Variants in MARCHF2 observed in about 807,000 individuals in gnomAD.
MARCHF2 encodes membrane associated ring-CH-type finger 2, also known as E3 ubiquitin-protein ligase MARCHF2.
In MARCHF2, 22 loss-of-function variants were observed where a neutral mutation model predicts 24.0. The ratio of observed to expected loss-of-function variants is 0.92; its 90% CI spans 0.66 to 1.31. MARCHF2 has a LOEUF of 1.31. Ranked by LOEUF, MARCHF2 falls within the 50% of genes most tolerant of loss-of-function variation. The probability of loss-of-function intolerance (pLI) is 0.00; values close to 1 mark genes in which losing one functional copy is unlikely to be tolerated. For synonymous variants in MARCHF2, 154 were observed against 153.0 expected, an observed-to-expected ratio of 1.01 and a Z score of -0.05; for missense variants, 301 against 335.3, an observed-to-expected ratio of 0.90 and a Z score of 0.80.
At chr19:8,434,953 AC>A (rs892571547) in intron 4 of MARCHF2, among the ~76,000 whole-genome samples, 2 of 151,142 alleles carry the variant, frequency 1.3e-5, no homozygotes, top group Non-Finnish European at 2.9e-5. Context: ...TGATCTGCCC[AC>A]CTTGGCCTTC....
chr19:8,421,555 G>A (rs1336521031), intron 1 of MARCHF2, among the ~76,000 whole-genome samples: 1 of 151,990 alleles, frequency 6.6e-6, no homozygotes, highest in Admixed American at 6.6e-5. Context: ...TTAGGAGAGT[G>A]AGAAATAATA....
At chr19:8,425,183 G>A (rs1170756490) in intron 2 of MARCHF2, among the ~76,000 whole-genome samples, 2 of 151,924 alleles carry the variant, frequency 1.3e-5, no homozygotes, top group African/African-American at 4.8e-5. Flanking sequence ...AGACCATCCT[G>A]GCTAACACGG....
At chr19:8,429,088 CATCTT>C (rs1967503531) in intron 3 of MARCHF2, among the ~76,000 whole-genome samples, 1 of 152,162 alleles carries the variant, frequency 6.6e-6, no homozygotes, top group East Asian at 1.9e-4. Flanking sequence ...CCTCCCCACA[CATCTT>C]GTCTAGGCCG....
At chr19:8,438,120 A>C (rs1399786755) in intron 4 of MARCHF2, among the ~76,000 whole-genome samples, 1 of 151,920 alleles carries the variant, frequency 6.6e-6, no homozygotes, top group East Asian at 1.9e-4. Context: ...TTTCCCACTG[A>C]GAGGCAGGAA....
rs71175855 is a variant in MARCHF2, at chr19:8,427,519, GAA to G, written c.372+730_372+731del. On this transcript the variant is annotated intron_variant, in intron 3 of 4. Coordinates refer to ENST00000215555, the MANE Select transcript of MARCHF2 (RefSeq NM_001005415.2). ...GCATCGCTTCTGATATGAGGTTACAGAAAAAAAAAAAAAAAATCAACGAAGCA... is the reference window on the plus strand; with the variant it reads ...GCATCGCTTCTGATATGAGGTTACAGAAAAAAAAAAAAAATCAACGAAGCA... Among the ~76,000 whole-genome samples the G allele has an allele frequency of 2.0e-4, 26 of 132,038 alleles. 1 individual carries two copies. In the South Asian group the frequency reaches 3.1e-3, roughly 16 times the overall value. 86.6% of individuals were successfully genotyped at this position (132,038 alleles called of 152,430 possible).
At position 8,424,509 on chromosome 19, in the gene MARCHF2, T is replaced by C. The variant is rs11673274; in HGVS notation, c.177-2100T>C. On this transcript the variant is annotated intron_variant, in intron 2 of 4. Transcript: ENST00000215555. Reference sequence around the variant, plus strand: ...GGTGAAACCCCGTCTCTACAAAAAATACAAAAAATTAGCCGGGCGTGGTGG... The same window carrying C: ...GGTGAAACCCCGTCTCTACAAAAAACACAAAAAATTAGCCGGGCGTGGTGG... 1.6e-4 allele frequency among the ~76,000 whole-genome samples: 24 copies of C among 151,596 alleles called. No individual in the cohort carries two copies. In the East Asian group the frequency reaches 4.5e-3, roughly 28 times the overall value.
At chr19:8,419,482 G>T (rs1018292808) in intron 1 of MARCHF2, among the ~76,000 whole-genome samples, 1 of 137,310 alleles carries the variant, frequency 7.3e-6, no homozygotes, top group Non-Finnish European at 1.6e-5. Context: ...CAACAGAGCC[G>T]GACTCCATCT....
intron 2 of MARCHF2, among the ~76,000 whole-genome samples, chr19:8,424,217 T>C (rs1185845079): frequency 1.3e-5 from 2 of 152,112 alleles, no homozygotes; most frequent in Admixed American, 6.6e-5. Flanking sequence ...TGGAGACTTT[T>C]CCGAGGCAGC....
intron 4 of MARCHF2, among the ~76,000 whole-genome samples, chr19:8,431,079 G>A (rs1227002652): frequency 6.6e-6 from 1 of 152,204 alleles, no homozygotes; most frequent in Admixed American, 6.6e-5. Flanking sequence ...TGAGCCAGGT[G>A]TGAACCTTGA....
At position 8,429,687 on chromosome 19, in the gene MARCHF2, A is replaced by G. The variant is rs1967523595; in HGVS notation, c.373-971A>G. On this transcript the variant is annotated intron_variant, in intron 3 of 4. Coordinates refer to ENST00000215555, the MANE Select transcript of MARCHF2 (RefSeq NM_001005415.2). Reference sequence around the variant, plus strand: ...GCCCAGCTAATTTTGTATTTTTAGTAGAGGCAGGGTTTCTCCATGTTAGCC... The same window carrying G: ...GCCCAGCTAATTTTGTATTTTTAGTGGAGGCAGGGTTTCTCCATGTTAGCC... Among the ~76,000 whole-genome samples the G allele has an allele frequency of 2.0e-5, 3 of 150,648 alleles. No individual in the cohort carries two copies. The South Asian group carries it at 6.4e-4, about 32-fold the overall frequency.
At chr19:8,426,836 A>G in intron 3 of MARCHF2, 32 bp downstream of exon 3, 1 of 1,598,262 alleles carries the variant, frequency 6.3e-7, no homozygotes, top group Non-Finnish European at 8.5e-7. Flanking sequence ...TGCGGTGGGC[A>G]GTGGGGAGAG....
chr19:8,438,729 G>GT lies in MARCHF2; in HGVS notation c.*202dup, dbSNP rs370862443. The GT allele has an allele frequency of 0.036, 13,378 of 375,016 alleles. 93 individuals carry two copies. Among genetic ancestry groups the GT allele is most frequent in the African/African-American group, 0.06 (2,346 of 39,344 alleles). 23.2% of individuals were successfully genotyped at this position (375,016 alleles called of 1,614,324 possible). ...GATCCTGTGTGAAGATATTTTCAGG[G>GT]TTTTTTTTTTTTTTTTTTTGCATAT... is the stretch of plus-strand genomic sequence containing the variant. On this transcript the variant is annotated 3_prime_UTR_variant, in exon 5 of 5. Transcript: ENST00000215555.
At chr19:8,426,100 AG>A (rs1197145824) in intron 2 of MARCHF2, among the ~76,000 whole-genome samples, 2 of 151,678 alleles carry the variant, frequency 1.3e-5, no homozygotes, top group Non-Finnish European at 2.9e-5. Flanking sequence ...GCGTGGTGGC[AG>A]GTGCCTGTAG....
chr19:8,435,218 C>T (rs1967683283), intron 4 of MARCHF2, among the ~76,000 whole-genome samples: 1 of 151,912 alleles, frequency 6.6e-6, no homozygotes, highest in Admixed American at 6.6e-5. Context: ...CAGGGTTTCA[C>T]CATGTTGGCC....
At chr19:8,414,523 A>G (rs77918090) in intron 1 of MARCHF2, among the ~76,000 whole-genome samples, 11,477 of 151,890 alleles carry the variant, frequency 0.076, 575 homozygotes, top group Middle Eastern at 0.13. Context: ...CCTTCCTTGA[A>G]CTCCCAAAGT....
In MARCHF2 at chr19:8,438,887, C is replaced by T. The variant is rs1008167852; in HGVS notation, c.*341C>T. ...AGGGCGCCCTTAAAGCTGGAACATT[C>T]CAGCAAGCTTCTTGCGCTTCTCTGC... On this transcript the variant is annotated 3_prime_UTR_variant, in exon 5 of 5. Transcript: ENST00000215555. The T allele has an allele frequency of 9.8e-5, 20 of 203,316 alleles. No homozygotes were observed. Among genetic ancestry groups the T allele is most frequent in the African/African-American group, 4.6e-4 (20 of 43,386 alleles). 12.6% of individuals were successfully genotyped at this position (203,316 alleles called of 1,614,324 possible).
chr19:8,426,230 CAAAAAAAAAAAAAA>C (rs71175854), intron 2 of MARCHF2, among the ~76,000 whole-genome samples: 1 of 43,296 alleles, frequency 2.3e-5, no homozygotes, highest in African/African-American at 7.2e-5. Flanking sequence ...GACTCTGTCT[CAAAAAAAAAAAAAA>C]AAAAAAAAAG....
In MARCHF2 at chr19:8,430,479, G is replaced by C. The variant is rs1339277721; in HGVS notation, c.373-179G>C. Among the ~76,000 whole-genome samples the C allele has an allele frequency of 6.7e-6, 1 of 150,142 alleles. No homozygotes were observed. The highest frequency in any genetic ancestry group is 1.5e-5 in the Non-Finnish European group (1 of 67,398). On this transcript the variant is annotated intron_variant, in intron 3 of 4. Coordinates refer to ENST00000215555, the MANE Select transcript of MARCHF2 (RefSeq NM_001005415.2). This position sits in a 1 kb window ranked among gnomAD's most constrained non-coding sequence, Gnocchi z 4.4. ...AAACCCAGAAGGTCGAGGTTGCAGT[G>C]AGCCGAGATCACACCATTGCACTCC...
At chr19:8,424,839 G>A (rs1967353569) in intron 2 of MARCHF2, among the ~76,000 whole-genome samples, 1 of 152,104 alleles carries the variant, frequency 6.6e-6, no homozygotes, top group African/African-American at 2.4e-5. Flanking sequence ...TTTAGGAATA[G>A]ATTATCGGTG....
Sources: allele counts gnomAD v4.1 joint callset (sites outside exome capture counted in the v4.1 genomes callset), GRCh38; gene constraint gnomAD v4.1.1; non-coding constraint Gnocchi (gnomAD v3.1); transcripts MANE v1.5; gene names NCBI Gene and HGNC (gene_info 2026-07-23, HGNC 2026-07-21).